THBS4: variants seen among roughly 807,000 people sequenced by gnomAD.
THBS4 encodes thrombospondin-4.
In THBS4, 90 loss-of-function variants were observed where a neutral mutation model predicts 115.7. The observed-to-expected ratio is 0.78, with a 90% CI of 0.66 to 0.93. THBS4 has a LOEUF of 0.93. Among genes scored for constraint, THBS4 ranks in the 40% least tolerant of loss-of-function variants. The pLI is 0.00. For synonymous variants in THBS4, 460 were observed against 479.3 expected (o/e 0.96, Z 0.53); for missense variants, 1,087 against 1,232.7 (o/e 0.88, Z 1.77).
intron 2 of THBS4, among the ~76,000 whole-genome samples, chr5:79,998,841 A>G (rs532503268): frequency 6.6e-6 from 1 of 152,348 alleles, no homozygotes; most frequent in East Asian, 1.9e-4. Flanking sequence ...CCTTCATGGA[A>G]CTTTGTATTT....
chr5:80,066,993 C>T (rs985776764), intron 9 of THBS4: 18 of 152,166 alleles, frequency 1.2e-4, no homozygotes, highest in Admixed American at 3.3e-4. Flanking sequence ...TTGTGAGTGA[C>T]TTAAATCATT....
Position 80,078,050 on chromosome 5 carries a change from C to A in THBS4, c.2088C>A (p.Ser696Arg). 1 of 1,573,180 alleles carries A rather than the reference C, an allele frequency of 6.4e-7. No individual in the cohort carries two copies. Residue 696 changes from serine (S) to arginine (R), a missense_variant and splice_region_variant, in exon 17 of 22, where the codon AGC (serine) becomes AGA (arginine). This residue lies in a region of THBS4 where 979 missense variants were observed against 1,103.7 expected (regional missense o/e 0.89). Coordinates refer to ENST00000350881, the MANE Select transcript of THBS4 (RefSeq NM_003248.6). ...CTGTCCTTTCTCCACCCCACTCAGG[C>A]GACGGAGTGGGAGACATCTGTGAGT... ...VPNPAQEDSN[S>R]DGVGDICESD...
rs1274136639 is a variant in THBS4 at position 80,035,541 on chromosome 5, C to T, written c.4C>T (p.Leu2=). Residue 2 remains leucine (L), a synonymous_variant, in exon 1 of 22, where the codon CTG becomes TTG. Coordinates refer to ENST00000350881, the MANE Select transcript of THBS4 (RefSeq NM_003248.6). The surrounding 1 kb of genome is among the most constrained non-coding windows in gnomAD (Gnocchi z 4.6). ...GCGGGGAGCAGGAAGAGCCAACATGCTGGCCCCGCGCGGAGCCGCCGTCCT... is the reference window on the plus strand; with the variant it reads ...GCGGGGAGCAGGAAGAGCCAACATGTTGGCCCCGCGCGGAGCCGCCGTCCT... The part of the protein sequence containing the change: M[L]APRGAAVLLL... 3 of 1,400,120 alleles carry T rather than the reference C, an allele frequency of 2.1e-6. No homozygotes were observed. The highest frequency in any genetic ancestry group is 1.6e-5 in the South Asian group (1 of 63,744). 86.7% of individuals were successfully genotyped at this position (1,400,120 alleles called of 1,614,324 possible).
chr5:80,030,000 T>C (rs1832555134), intron 2 of THBS4, among the ~76,000 whole-genome samples: 1 of 152,054 alleles, frequency 6.6e-6, no homozygotes, highest in Admixed American at 6.6e-5. Flanking sequence ...TACTTTGAAT[T>C]GCACACTAAT....
intron 2 of THBS4, among the ~76,000 whole-genome samples, chr5:80,026,426 T>C (rs1215978702): frequency 6.6e-6 from 1 of 152,190 alleles, no homozygotes; most frequent in African/African-American, 2.4e-5. Flanking sequence ...TGCTTAATAA[T>C]TGAGTCTAAT....
intron 2 of THBS4, among the ~76,000 whole-genome samples, chr5:80,048,893 A>G (rs1580945610): frequency 6.6e-6 from 1 of 152,368 alleles, no homozygotes; most frequent in African/African-American, 2.4e-5. Flanking sequence ...CATTAATGTC[A>G]AGGAGGCAAT....
intron 7 of THBS4, 31 bp downstream of exon 7, chr5:80,059,936 C>A (rs754692071): frequency 3.1e-6 from 5 of 1,588,120 alleles, no homozygotes; most frequent in Non-Finnish European, 4.3e-6. Flanking sequence ...GGAGGGGATC[C>A]CTAAGTATCC....
chr5:79,999,890 C>T (rs931927982), intron 2 of THBS4, among the ~76,000 whole-genome samples: 3 of 152,120 alleles, frequency 2.0e-5, no homozygotes, highest in Admixed American at 1.3e-4. Flanking sequence ...AAGAAATTAG[C>T]GTACATTTTG....
intron 2 of THBS4, among the ~76,000 whole-genome samples, chr5:80,006,355 A>T (rs1359265369): frequency 6.6e-6 from 1 of 152,170 alleles, no homozygotes; most frequent in Non-Finnish European, 1.5e-5. Context: ...GTTTCACAAG[A>T]TCTGATAGTT....
Position 80,055,901 on chromosome 5 carries a change from G to C in THBS4, c.409G>C (p.Gly137Arg), listed in dbSNP as rs144875802. The change falls in exon 3 of 22, where the codon GGG (glycine) becomes CGG (arginine). Residue 137 changes from glycine (G) to arginine (R), a missense_variant. Transcript: ENST00000350881. ...ILLRLSNLQR[G>R]AGSLELYLDC... ...CCTGAGGCTGAGCAATTTGCAGCGA[G>C]GGGCCGGCTCCCTAGAGCTCTACCT... 6.8e-6 allele frequency: 11 copies of C among 1,614,122 alleles called. No homozygotes were observed. The highest frequency in any genetic ancestry group is 9.3e-6 in the Non-Finnish European group (11 of 1,180,046).
intron 2 of THBS4, among the ~76,000 whole-genome samples, chr5:80,029,255 T>C (rs1580923810): frequency 6.6e-6 from 1 of 152,214 alleles, no homozygotes; most frequent in East Asian, 1.9e-4. Flanking sequence ...CAAATACATC[T>C]AGACACCTGG....
intron 2 of THBS4, among the ~76,000 whole-genome samples, chr5:80,018,164 G>A (rs955520524): frequency 6.6e-6 from 1 of 151,822 alleles, no homozygotes; most frequent in Non-Finnish European, 1.5e-5. Context: ...TTTCTACTGT[G>A]TTTTTCCAGA....
intron 5 of THBS4, 74 bp from the exon 6 acceptor site, chr5:80,059,366 A>C: frequency 2.1e-6 from 3 of 1,430,724 alleles, no homozygotes; most frequent in Non-Finnish European, 2.9e-6. Flanking sequence ...AGATAGCTCC[A>C]CATGGATTCT....
At position 80,083,260 on chromosome 5, in the gene THBS4, A is replaced by G; in HGVS notation, c.*119A>G. 1 of 888,828 alleles carries G rather than the reference A, an allele frequency of 1.1e-6. No individual in the cohort carries two copies. The highest frequency in any genetic ancestry group is 1.8e-6 in the Non-Finnish European group (1 of 545,210). 55.1% of individuals were successfully genotyped at this position (888,828 alleles called of 1,614,324 possible). A position where few individuals can be genotyped will look rare whatever the true frequency, so the allele number is the denominator to read the frequency against. ...CAAAACGTTTTATGTGAATGTGGCA[A>G]TAAAGGAGAAGAGATCATTTTTAAA... On this transcript the variant is annotated 3_prime_UTR_variant, in exon 22 of 22. Coordinates refer to ENST00000350881, the MANE Select transcript of THBS4 (RefSeq NM_003248.6).
intron 8 of THBS4, among the ~76,000 whole-genome samples, chr5:80,062,208 T>C (rs992081758): frequency 1.3e-5 from 2 of 152,208 alleles, no homozygotes; most frequent in Non-Finnish European, 2.9e-5. Context: ...GAGTCATTGT[T>C]GCCAATCGAA....
chr5:80,011,884 A>G (rs1169071078), intron 2 of THBS4, among the ~76,000 whole-genome samples: 1 of 151,868 alleles, frequency 6.6e-6, no homozygotes, highest in Non-Finnish European at 1.5e-5. Flanking sequence ...CTTAAAAAAA[A>G]AGAAAAAAAA....
rs752848388 is a variant in THBS4, at chr5:80,040,221, A to G, written c.233A>G (p.Tyr78Cys). The change falls in exon 2 of 22, where the codon TAC becomes TGC. Residue 78 changes from tyrosine to cysteine, a missense_variant. By Grantham distance (194) the Tyr-to-Cys change is radical. Transcript: ENST00000350881. Reference sequence around the variant, plus strand: ...AGTTCAGCCACCATCTTCGGTCTTTACTCTTCAACTGACAACAGTAAATAT... The same window carrying G: ...AGTTCAGCCACCATCTTCGGTCTTTGCTCTTCAACTGACAACAGTAAATAT... The part of the protein sequence containing the change: ...TKSSATIFGL[Y>C]SSTDNSKYFE... 22 of 1,613,874 alleles carry G rather than the reference A, an allele frequency of 1.4e-5. No individual in the cohort carries two copies. The highest frequency in any genetic ancestry group is 1.8e-5 in the Non-Finnish European group (21 of 1,180,018).
chr5:80,072,641 A>T (rs1188765207), intron 14 of THBS4: 1 of 489,870 alleles, frequency 2.0e-6, no homozygotes, highest in Admixed American at 3.2e-5. Flanking sequence ...CACGAACTTC[A>T]TGATGCTCAA....
intron 8 of THBS4, among the ~76,000 whole-genome samples, chr5:80,062,160 C>T (rs906161719): frequency 2.0e-5 from 3 of 152,156 alleles, no homozygotes; most frequent in Non-Finnish European, 4.4e-5. Context: ...TTGAGAACCA[C>T]GGAGACAAAA....
Sources: gnomAD v4.1 joint callset for allele counts (sites outside exome capture counted in the v4.1 genomes callset) on GRCh38, gnomAD v4.1.1 for gene constraint, gnomAD v4.1.1 regional missense constraint, Gnocchi (gnomAD v3.1) non-coding constraint, MANE v1.5 for transcripts, NCBI Gene and HGNC (gene_info 2026-07-23, HGNC 2026-07-21) for gene names.